PDS5A: variants seen among roughly 807,000 people sequenced by gnomAD.
PDS5A encodes the protein PDS5 cohesin associated factor A, also known as sister chromatid cohesion protein PDS5 homolog A.
PDS5A carries 42 observed loss-of-function variants against 167.1 expected under a neutral mutation model. The ratio of observed to expected loss-of-function variants is 0.25; its 90% CI spans 0.20 to 0.33. The LOEUF (loss-of-function observed/expected upper bound fraction) is 0.33, where lower values mean the gene tolerates loss of function less well. Ranked by LOEUF, PDS5A falls within the 10% of genes least tolerant of loss-of-function variation. PDS5A has a pLI of 1.00. For missense variants in PDS5A, 1,033 were observed against 1,605.9 expected, an observed-to-expected ratio of 0.64 and a Z score of 6.10; for synonymous variants, 553 against 554.6, an observed-to-expected ratio of 1.00 and a Z score of 0.04.
intron 2 of PDS5A, among the ~76,000 whole-genome samples, chr4:39,952,737 T>TC (rs1179667129): frequency 1.3e-5 from 2 of 151,340 alleles, no homozygotes; most frequent in East Asian, 3.9e-4. Flanking sequence ...TTTTTTTTTT[T>TC]TTTTTTTTGA....
rs149063666 is a variant in PDS5A, at chr4:39,923,050, C to T, written c.528-302G>A. ...TTTTTTAAAAAGAAAAGAAAAAGGC[C>T]GGGCACAGTGGCTCGGACCTGTAAT... On this transcript the variant is annotated intron_variant, in intron 5 of 32. Transcript: ENST00000303538. Among the ~76,000 whole-genome samples, 821 of 151,884 alleles carry T rather than the reference C, an allele frequency of 5.4e-3. 5 individuals carry two copies. Among genetic ancestry groups the T allele is most frequent in the African/African-American group, 0.019 (783 of 41,454 alleles).
intron 17 of PDS5A, among the ~76,000 whole-genome samples, chr4:39,886,425 T>C (rs1721480744): frequency 6.6e-6 from 1 of 152,068 alleles, no homozygotes; most frequent in South Asian, 2.1e-4. Context: ...TTAACAATAT[T>C]GATTTTGGCC....
At chr4:39,951,340 T>C (rs1276979322) in intron 2 of PDS5A, among the ~76,000 whole-genome samples, 2 of 152,190 alleles carry the variant, frequency 1.3e-5, no homozygotes, top group Non-Finnish European at 2.9e-5. Flanking sequence ...GGGGCTGTGA[T>C]AAATTAAATA....
intron 17 of PDS5A, among the ~76,000 whole-genome samples, chr4:39,881,456 T>C (rs1720919651): frequency 6.6e-6 from 1 of 152,106 alleles, no homozygotes; most frequent in Non-Finnish European, 1.5e-5. Context: ...CTTTCCCTCT[T>C]ACATCACAAG....
chr4:39,962,438 G>C (rs138468709), intron 2 of PDS5A, among the ~76,000 whole-genome samples: 5 of 152,080 alleles, frequency 3.3e-5, no homozygotes, highest in African/African-American at 9.7e-5. Flanking sequence ...TTCTCACACA[G>C]AACTACTCTT....
chr4:39,929,606 C>CGTGTGTGT (rs58333282), intron 2 of PDS5A, among the ~76,000 whole-genome samples: 15 of 130,830 alleles, frequency 1.1e-4, no homozygotes, highest in Admixed American at 1.1e-3. Context: ...CCTATTGGGG[C>CGTGTGTGT]GTGTGTGTGT....
chr4:39,870,520 G>A (rs1006416500), intron 21 of PDS5A, among the ~76,000 whole-genome samples: 3 of 151,986 alleles, frequency 2.0e-5, no homozygotes, highest in African/African-American at 4.8e-5. Flanking sequence ...CCTGGGAAGC[G>A]GAGGTTGTGA....
At chr4:39,856,008 C>G (rs1216025210) in intron 26 of PDS5A, among the ~76,000 whole-genome samples, 1 of 152,058 alleles carries the variant, frequency 6.6e-6, no homozygotes, top group Non-Finnish European at 1.5e-5. Context: ...AGGATGAAAT[C>G]TGAAACCCAC....
Position 39,867,015 on chromosome 4 carries a change from G to A in PDS5A, c.2506-18C>T. The A allele has an allele frequency of 6.4e-7, 1 of 1,553,682 alleles. No individual in the cohort carries two copies. Among genetic ancestry groups the A allele is most frequent in the Non-Finnish European group, 8.7e-7 (1 of 1,149,580 alleles). Reference sequence around the variant, plus strand: ...GCCTGTACCTATAAAATATTAACATGCTAAAAAAAGAAAGCAACTTAAAAT... The same window carrying A: ...GCCTGTACCTATAAAATATTAACATACTAAAAAAAGAAAGCAACTTAAAAT... On this transcript the variant is annotated intron_variant, in intron 22 of 32. Coordinates refer to ENST00000303538, the MANE Select transcript of PDS5A (RefSeq NM_001100399.2).
intron 2 of PDS5A, among the ~76,000 whole-genome samples, chr4:39,959,519 T>A (rs1337741530): frequency 1.3e-5 from 2 of 151,830 alleles, no homozygotes; most frequent in Non-Finnish European, 2.9e-5. Flanking sequence ...CCCAGCTAAT[T>A]TTTTGTATTT....
At chr4:39,897,083 A>G (rs1434687036) in intron 16 of PDS5A, among the ~76,000 whole-genome samples, 1 of 152,182 alleles carries the variant, frequency 6.6e-6, no homozygotes, top group Non-Finnish European at 1.5e-5. Context: ...GTCATGCAGT[A>G]TACCATTTTA....
In PDS5A at chr4:39,932,809, T is replaced by C. The variant is rs1364265464; in HGVS notation, c.139-4645A>G. 2.0e-5 allele frequency: 3 copies of C among 148,872 alleles called. No homozygotes were observed. In the East Asian group the frequency reaches 6.2e-4, roughly 31 times the overall value. 9.2% of individuals were successfully genotyped at this position (148,872 alleles called of 1,614,324 possible). On this transcript the variant is annotated intron_variant, in intron 2 of 32. Transcript: ENST00000303538. The stretch of plus-strand genomic sequence containing the variant: ...CACGCCACTGCACTCCAGCCTGGGC[T>C]ACAGGAGCAAGACTCCATTTCAAAA...
At chr4:39,871,103 T>C (rs1022011389) in intron 21 of PDS5A, among the ~76,000 whole-genome samples, 5 of 151,960 alleles carry the variant, frequency 3.3e-5, no homozygotes, top group Non-Finnish European at 7.4e-5. Flanking sequence ...CTAGAATAGG[T>C]AGTCATAGAG....
chr4:39,880,851 T>C (rs1425023725), intron 17 of PDS5A, among the ~76,000 whole-genome samples: 22 of 152,186 alleles, frequency 1.4e-4, no homozygotes, highest in Admixed American at 1.2e-3. Flanking sequence ...TTGTTAACTA[T>C]AGTCATCCTA....
chr4:39,897,777 A>C (rs1020949854), intron 16 of PDS5A, among the ~76,000 whole-genome samples: 1 of 151,956 alleles, frequency 6.6e-6, no homozygotes, highest in Non-Finnish European at 1.5e-5. Context: ...GGGGTATAGG[A>C]TCACATGAGC....
At chr4:39,905,436 T>C (rs1723247234) in intron 11 of PDS5A, among the ~76,000 whole-genome samples, 1 of 152,162 alleles carries the variant, frequency 6.6e-6, no homozygotes, top group African/African-American at 2.4e-5. Context: ...CACGCACCAC[T>C]AATTCCAGCT....
At chr4:39,956,069 G>A (rs902314975) in intron 2 of PDS5A, among the ~76,000 whole-genome samples, 38 of 151,400 alleles carry the variant, frequency 2.5e-4, no homozygotes, top group African/African-American at 8.5e-4. Context: ...AGTGAGCTGC[G>A]ATCTCGCCAC....
intron 6 of PDS5A, among the ~76,000 whole-genome samples, 199 bp downstream of exon 6, chr4:39,922,422 GA>G (rs1185605621): frequency 2.6e-5 from 4 of 152,234 alleles, no homozygotes; most frequent in African/African-American, 9.6e-5. Context: ...TTAAATGAAT[GA>G]AACTCCTACA....
intron 28 of PDS5A, chr4:39,848,160 A>C (rs1372865134): frequency 6.6e-6 from 1 of 152,228 alleles, no homozygotes; most frequent in Non-Finnish European, 1.5e-5. Context: ...GGTGTCAAAA[A>C]GGTTGGGAAC....
Sources: gnomAD v4.1 joint callset for allele counts (sites outside exome capture counted in the v4.1 genomes callset) on GRCh38, gnomAD v4.1.1 for gene constraint, MANE v1.5 for transcripts, NCBI Gene and HGNC (gene_info 2026-07-23, HGNC 2026-07-21) for gene names.